Variants in CCND3 observed in about 807,000 individuals in gnomAD.
CCND3 encodes the protein G1/S-specific cyclin-D3.
In CCND3, 9 loss-of-function variants were observed where a neutral mutation model predicts 28.7. That is an observed-to-expected ratio of 0.31 (90% CI 0.19 to 0.55). The LOEUF is 0.55. Among genes scored for constraint, CCND3 ranks in the 20% least tolerant of loss-of-function variants. CCND3 has a pLI of 0.93. For missense variants in CCND3, 315 were observed against 385.8 expected, an observed-to-expected ratio of 0.82 and a Z score of 1.54; for synonymous variants, 164 against 163.9, an observed-to-expected ratio of 1.00 and a Z score of 0.00.
At chr6:41,981,405 A>T (rs536988520) in intron 1 of CCND3, among the ~76,000 whole-genome samples, 1 of 151,740 alleles carries the variant, frequency 6.6e-6, no homozygotes, top group Non-Finnish European at 1.5e-5. Flanking sequence ...GGGTTTCACT[A>T]TGTTGGCCAG....
intron 1 of CCND3, among the ~76,000 whole-genome samples, chr6:41,953,026 C>T (rs1776351124): frequency 6.6e-6 from 1 of 152,128 alleles, no homozygotes; most frequent in South Asian, 2.1e-4. Context: ...AATCCCAGCA[C>T]TTTGGGAGGC....
chr6:41,975,723 T>C (rs1762159677), intron 1 of CCND3, among the ~76,000 whole-genome samples: 2 of 151,214 alleles, frequency 1.3e-5, no homozygotes, highest in African/African-American at 4.9e-5. Context: ...CTCACTGACT[T>C]CTTGCTTGCT....
intron 1 of CCND3, among the ~76,000 whole-genome samples, chr6:41,950,495 G>A (rs989313205): frequency 6.6e-6 from 1 of 152,076 alleles, no homozygotes; most frequent in African/African-American, 2.4e-5. Context: ...TGCAAAAGGA[G>A]GATGGTAACA....
rs765309917 is a variant in CCND3 at position 41,940,508 on chromosome 6, G to A, written c.276C>T (p.Val92=). 5 of 1,614,042 alleles carry A rather than the reference G, an allele frequency of 3.1e-6. No individual in the cohort carries two copies. The highest frequency in any genetic ancestry group is 4.2e-6 in the Non-Finnish European group (5 of 1,179,988). ...GCTGCAACTGCGCCTTTCGGGTGGG[G>A]ACGCAAGACAGGTAGCGATCCAGGT... is the stretch of plus-strand genomic sequence containing the variant. ...MNYLDRYLSC[V]PTRKAQLQLL... The change falls in exon 2 of 5, where the codon GTC becomes GTT. Residue 92 remains valine, a synonymous_variant. Coordinates refer to ENST00000372991, the MANE Select transcript of CCND3 (RefSeq NM_001760.5).
chr6:41,938,237 G>C lies in CCND3; in HGVS notation c.415-843C>G, dbSNP rs967317647. The C allele has an allele frequency of 6.6e-6, 1 of 152,208 alleles. No homozygotes were observed. The highest frequency in any genetic ancestry group is 1.5e-5 in the Non-Finnish European group (1 of 68,052). 9.4% of individuals were successfully genotyped at this position (152,208 alleles called of 1,614,324 possible). A position where few individuals can be genotyped will look rare whatever the true frequency, so the allele number is the denominator to read the frequency against. On this transcript the variant is annotated intron_variant, in intron 2 of 4. Coordinates refer to ENST00000372991, the MANE Select transcript of CCND3 (RefSeq NM_001760.5). The surrounding 1 kb of genome is among the most constrained non-coding windows in gnomAD (Gnocchi z 4.6). ...CCACTCGTCATGGGTTCCCAGACCTGGCCCCATTTCTGAGTTGCACACATG... is the reference window on the plus strand; with the variant it reads ...CCACTCGTCATGGGTTCCCAGACCTCGCCCCATTTCTGAGTTGCACACATG...
At chr6:41,940,349 T>G (rs748151659) in intron 2 of CCND3, 21 bp downstream of exon 2, 83 of 1,567,716 alleles carry the variant, frequency 5.3e-5, no homozygotes, top group East Asian at 6.7e-5. Context: ...GTGTCGGGGG[T>G]GGGGGGAGTT....
At chr6:42,025,308 AC>A (rs1333418192) in intron 1 of CCND3, among the ~76,000 whole-genome samples, 2 of 152,166 alleles carry the variant, frequency 1.3e-5, no homozygotes, top group Non-Finnish European at 2.9e-5. Context: ...AGTCTGAGAG[AC>A]CAAGGCCTCA....
chr6:42,024,922 G>A (rs890210942), intron 1 of CCND3, among the ~76,000 whole-genome samples: 15 of 152,106 alleles, frequency 9.9e-5, no homozygotes, highest in Non-Finnish European at 2.2e-4. Flanking sequence ...GCCCAGTGTG[G>A]TGGTGCACAC....
intron 1 of CCND3, among the ~76,000 whole-genome samples, chr6:41,994,903 C>G (rs1295225475): frequency 6.6e-6 from 1 of 151,974 alleles, no homozygotes; most frequent in Non-Finnish European, 1.5e-5. Flanking sequence ...GAAACCCCGT[C>G]TCTACTACAA....
At chr6:42,014,725 C>T (rs1763448505) in intron 1 of CCND3, among the ~76,000 whole-genome samples, 1 of 152,082 alleles carries the variant, frequency 6.6e-6, no homozygotes, top group African/African-American at 2.4e-5. Flanking sequence ...AAGTTTGAGG[C>T]TTCATTGAGC....
chr6:41,953,873 G>C (rs978008119), intron 1 of CCND3, among the ~76,000 whole-genome samples: 1 of 151,774 alleles, frequency 6.6e-6, no homozygotes, highest in Non-Finnish European at 1.5e-5. Flanking sequence ...TGAGAATGGA[G>C]GAAGACATGG....
At chr6:42,020,444 G>GA (rs1348927408) in intron 1 of CCND3, among the ~76,000 whole-genome samples, 1 of 152,080 alleles carries the variant, frequency 6.6e-6, no homozygotes, top group Non-Finnish European at 1.5e-5. Context: ...CAGGTCCCCG[G>GA]AAGGACTCTG....
chr6:41,937,493 CTT>C, intron 2 of CCND3, 99 bp from the exon 3 acceptor site: 1 of 1,419,532 alleles, frequency 7.0e-7, no homozygotes, highest in Non-Finnish European at 9.7e-7. Flanking sequence ...GCCCATCAAA[CTT>C]TTAAAGCCCA....
At position 41,935,660 on chromosome 6, in the gene CCND3, T is replaced by G; in HGVS notation, c.*280A>C. Reference sequence around the variant, plus strand: ...AGGAATGCTGGTGTATGTATCCAATTCTGTCCCATCAGCCTGGCCCACCCC... The same window carrying G: ...AGGAATGCTGGTGTATGTATCCAATGCTGTCCCATCAGCCTGGCCCACCCC... On this transcript the variant is annotated 3_prime_UTR_variant, in exon 5 of 5. Transcript: ENST00000372991. The G allele has an allele frequency of 1.9e-6, 1 of 533,406 alleles. No individual in the cohort carries two copies. Among genetic ancestry groups the G allele is most frequent in the Non-Finnish European group, 3.4e-6 (1 of 296,414 alleles). The allele number at this position is 533,406 out of a possible 1,614,324, so 33.0% of individuals were successfully genotyped here.
chr6:42,016,366 A>G (rs1763511180), intron 1 of CCND3, among the ~76,000 whole-genome samples: 1 of 152,108 alleles, frequency 6.6e-6, no homozygotes, highest in South Asian at 2.1e-4. Context: ...TTGTGTTATA[A>G]ATGAGGAAAT....
chr6:41,949,299 G>T (rs372704116), intron 1 of CCND3, among the ~76,000 whole-genome samples: 3 of 152,090 alleles, frequency 2.0e-5, no homozygotes, highest in African/African-American at 7.2e-5. Context: ...GAGGCCAGGC[G>T]TTCAAGACCA....
intron 1 of CCND3, among the ~76,000 whole-genome samples, chr6:42,022,714 G>A (rs1448985051): frequency 6.6e-6 from 1 of 152,188 alleles, no homozygotes; most frequent in Admixed American, 6.5e-5. Context: ...TTACACATGC[G>A]TGGGTCTGGC....
intron 1 of CCND3, among the ~76,000 whole-genome samples, chr6:41,960,645 C>T (rs1761695315): frequency 6.6e-6 from 1 of 152,190 alleles, no homozygotes. Context: ...GACCCCCAAC[C>T]TCCATGTTGA....
chr6:42,007,819 G>A (rs970705265), intron 1 of CCND3, among the ~76,000 whole-genome samples: 2 of 152,124 alleles, frequency 1.3e-5, no homozygotes, highest in African/African-American at 2.4e-5. Context: ...GAATGCTGGC[G>A]ATCCACAAAC....
Sources: gnomAD v4.1 joint callset for allele counts (sites outside exome capture counted in the v4.1 genomes callset) on GRCh38, gnomAD v4.1.1 for gene constraint, Gnocchi (gnomAD v3.1) non-coding constraint, MANE v1.5 for transcripts, NCBI Gene and HGNC (gene_info 2026-07-23, HGNC 2026-07-21) for gene names.